The following MEGF9 variants were observed in gnomAD, a reference collection of about 807,000 sequenced individuals.
MEGF9 encodes the protein multiple EGF like domains 9.
A neutral mutation model predicts 46.8 loss-of-function variants in MEGF9; 6 were observed. That is an observed-to-expected ratio of 0.13 (90% CI 0.07 to 0.25). MEGF9 has a LOEUF of 0.25. Ranked by LOEUF, MEGF9 falls within the 10% of genes least tolerant of loss-of-function variation. The pLI, the probability that MEGF9 is intolerant of heterozygous loss-of-function variation, is 1.00. For synonymous variants in MEGF9, 302 were observed against 330.7 expected (o/e 0.91, Z 0.94); for missense variants, 683 against 792.4 (o/e 0.86, Z 1.66).
At chr9:120,710,717 C>G (rs1564433014) in intron 1 of MEGF9, among the ~76,000 whole-genome samples, 2 of 152,184 alleles carry the variant, frequency 1.3e-5, no homozygotes, top group Non-Finnish European at 2.9e-5. Context: ...AAATACTGTA[C>G]AACCATCTTC....
At chr9:120,629,255 C>T (rs2043540271) in intron 2 of MEGF9, among the ~76,000 whole-genome samples, 1 of 152,132 alleles carries the variant, frequency 6.6e-6, no homozygotes, top group South Asian at 2.1e-4. Context: ...GCTGGGATTA[C>T]AGGTGTGAGT....
chr9:120,607,859 C>T lies in MEGF9; in HGVS notation c.1239G>A (p.Lys413=). The part of the protein sequence containing the change: ...HGHVDPVKTP[K]ICKPESGECI... ...ACTCACCACTCTCGGGCTTACAAAT[C>T]TTTGGAGTTTTAACTGGGTCCACAT... The change falls in exon 5 of 6, where the codon AAG becomes AAA. Residue 413 remains lysine, a synonymous_variant. Coordinates refer to ENST00000373930, the MANE Select transcript of MEGF9 (RefSeq NM_001080497.3). The T allele has an allele frequency of 6.2e-7, 1 of 1,614,010 alleles. No homozygotes were observed. The highest frequency in any genetic ancestry group is 8.5e-7 in the Non-Finnish European group (1 of 1,179,886).
chr9:120,659,102 A>G (rs1055563593), intron 2 of MEGF9, among the ~76,000 whole-genome samples: 2 of 152,236 alleles, frequency 1.3e-5, no homozygotes, highest in African/African-American at 4.8e-5. Context: ...TTATTCTTCA[A>G]TAATTTTTTC....
At chr9:120,635,076 T>C (rs764934390) in intron 2 of MEGF9, among the ~76,000 whole-genome samples, 10 of 152,240 alleles carry the variant, frequency 6.6e-5, no homozygotes, top group Non-Finnish European at 1.5e-4. Context: ...GAAGGATAGC[T>C]TTTCTGGGTA....
At chr9:120,614,119 G>T (rs2043460955) in intron 3 of MEGF9, among the ~76,000 whole-genome samples, 1 of 151,842 alleles carries the variant, frequency 6.6e-6, no homozygotes, top group Non-Finnish European at 1.5e-5. Flanking sequence ...CCATCTTCAG[G>T]TTCAAGTGAT....
At chr9:120,632,074 CAT>C (rs1195440124) in intron 2 of MEGF9, among the ~76,000 whole-genome samples, 1 of 152,062 alleles carries the variant, frequency 6.6e-6, no homozygotes, top group Non-Finnish European at 1.5e-5. Flanking sequence ...ACTATAGGTG[CAT>C]GCTACCACGC....
rs1564411701 is a variant in MEGF9 at position 120,611,864 on chromosome 9, A to AG, written c.1087+531_1087+532insC. Among the ~76,000 whole-genome samples the AG allele has an allele frequency of 9.0e-4, 112 of 124,880 alleles. 1 individual carries two copies. Among genetic ancestry groups the AG allele is most frequent in the African/African-American group, 2.7e-3 (80 of 29,094 alleles). 81.9% of individuals were successfully genotyped at this position (124,880 alleles called of 152,430 possible). ...GGAAGGAAGGAAGGAAGGAAGGAAG[A>AG]AAGAGAGAGAGAGAGAGAGAGAAAG... On this transcript the variant is annotated intron_variant, in intron 4 of 5. Coordinates refer to ENST00000373930, the MANE Select transcript of MEGF9 (RefSeq NM_001080497.3).
intron 2 of MEGF9, among the ~76,000 whole-genome samples, chr9:120,635,402 G>C (rs2043569622): frequency 6.6e-6 from 1 of 152,066 alleles, no homozygotes; most frequent in African/African-American, 2.4e-5. Context: ...TCATTAAATA[G>C]GTTTTCTATG....
At chr9:120,677,609 C>A (rs770955446) in intron 1 of MEGF9, among the ~76,000 whole-genome samples, 5 of 152,212 alleles carry the variant, frequency 3.3e-5, no homozygotes, top group Non-Finnish European at 5.9e-5. Flanking sequence ...AAGACACAAT[C>A]ATGAGTTAGT....
At chr9:120,634,524 G>A (rs536686923) in intron 2 of MEGF9, among the ~76,000 whole-genome samples, 18 of 120,952 alleles carry the variant, frequency 1.5e-4, no homozygotes, top group Admixed American at 1.3e-3. Flanking sequence ...GCGCAATCTT[G>A]GCTCACTGCA....
In MEGF9 at chr9:120,710,107, AC is replaced by A; in HGVS notation, c.601+3650del. 3.3e-5 allele frequency among the ~76,000 whole-genome samples: 5 copies of A among 151,436 alleles called. 1 individual carries two copies. Among genetic ancestry groups the A allele is most frequent in the Admixed American group, 3.3e-4 (5 of 15,170 alleles). On this transcript the variant is annotated intron_variant, in intron 1 of 5. Transcript: ENST00000373930. The stretch of plus-strand genomic sequence containing the variant: ...ACTGATTATTATTACCTCTGGTATC[AC>A]AGCATCTCTCTTCACCCTGCTTAAA...
intron 1 of MEGF9, among the ~76,000 whole-genome samples, chr9:120,682,317 G>A (rs2043802105): frequency 6.6e-6 from 1 of 152,134 alleles, no homozygotes; most frequent in East Asian, 1.9e-4. Context: ...CTGAGGTTGG[G>A]ACCAGATTTG....
intron 1 of MEGF9, among the ~76,000 whole-genome samples, chr9:120,701,668 G>T (rs1389311780): frequency 1.3e-5 from 2 of 152,160 alleles, no homozygotes; most frequent in African/African-American, 4.8e-5. Context: ...TATGAACAAT[G>T]CCATGAATTC....
chr9:120,647,853 A>T (rs960337649), intron 2 of MEGF9, among the ~76,000 whole-genome samples: 2 of 152,138 alleles, frequency 1.3e-5, no homozygotes, highest in Non-Finnish European at 2.9e-5. Flanking sequence ...TGTACTCTTT[A>T]ATTAGTTATT....
chr9:120,670,615 A>G (rs1029569137), intron 1 of MEGF9, among the ~76,000 whole-genome samples: 7 of 152,168 alleles, frequency 4.6e-5, no homozygotes, highest in Admixed American at 3.3e-4. Context: ...CCCACTGTAC[A>G]ACCAGCAAAT....
intron 2 of MEGF9, among the ~76,000 whole-genome samples, chr9:120,646,598 G>A (rs915908189): frequency 6.6e-6 from 1 of 152,146 alleles, no homozygotes; most frequent in Non-Finnish European, 1.5e-5. Flanking sequence ...CCAGCTATAA[G>A]TGATGTCTCC....
chr9:120,689,194 G>C (rs1231729547), intron 1 of MEGF9, among the ~76,000 whole-genome samples: 1 of 152,172 alleles, frequency 6.6e-6, no homozygotes, highest in Non-Finnish European at 1.5e-5. Flanking sequence ...ACTTTCTAGA[G>C]GAAGAAATAT....
intron 2 of MEGF9, among the ~76,000 whole-genome samples, chr9:120,625,663 G>A (rs1276383714): frequency 2.0e-5 from 3 of 151,520 alleles, no homozygotes; most frequent in Non-Finnish European, 4.4e-5. Flanking sequence ...GTGAAACCTC[G>A]TCTCTACTAA....
At chr9:120,649,959 T>C (rs2043642555) in intron 2 of MEGF9, among the ~76,000 whole-genome samples, 1 of 152,110 alleles carries the variant, frequency 6.6e-6, no homozygotes, top group Non-Finnish European at 1.5e-5. Context: ...TAACCTACCG[T>C]GAATACATTA....
Sources: gnomAD v4.1 joint callset for allele counts (sites outside exome capture counted in the v4.1 genomes callset) on GRCh38, gnomAD v4.1.1 for gene constraint, MANE v1.5 for transcripts, NCBI Gene and HGNC (gene_info 2026-07-23, HGNC 2026-07-21) for gene names.